The following KAT6B variants were observed in gnomAD, a reference collection of about 807,000 sequenced individuals.
KAT6B encodes lysine acetyltransferase 6B.
In KAT6B, 10 loss-of-function variants were observed where a neutral mutation model predicts 187.5. The observed-to-expected ratio is 0.05, with a 90% CI of 0.03 to 0.09. The LOEUF is 0.09. KAT6B is among the 10% of genes least tolerant of loss of function. KAT6B has a pLI of 1.00. For synonymous variants in KAT6B, 861 were observed against 926.8 expected, an observed-to-expected ratio of 0.93 and a Z score of 1.29; for missense variants, 1,952 against 2,558.9, an observed-to-expected ratio of 0.76 and a Z score of 5.12.
chr10:75,031,149 G>A lies in KAT6B; in HGVS notation c.*103G>A. ...TTCAAAACCAGCAATTGGTGTGAAT[G>A]CAAAAACATTTGTTGGCACCATTTA... On this transcript the variant is annotated 3_prime_UTR_variant, in exon 18 of 18. Coordinates refer to ENST00000287239, the MANE Select transcript of KAT6B (RefSeq NM_012330.4). 7.7e-7 allele frequency: 1 copy of A among 1,305,288 alleles called. No individual in the cohort carries two copies. Among genetic ancestry groups the A allele is most frequent in the Non-Finnish European group, 1.1e-6 (1 of 929,392 alleles). The allele number at this position is 1,305,288 out of a possible 1,614,324, so 80.9% of individuals were successfully genotyped here.
At chr10:74,924,390 G>A (rs1036155052) in intron 3 of KAT6B, among the ~76,000 whole-genome samples, 1 of 152,164 alleles carries the variant, frequency 6.6e-6, no homozygotes, top group African/African-American at 2.4e-5. Flanking sequence ...AAATAGCAAT[G>A]CATGCTGTCA....
intron 3 of KAT6B, among the ~76,000 whole-genome samples, chr10:74,888,072 T>A (rs1230066181): frequency 1.6e-4 from 24 of 152,124 alleles, no homozygotes; most frequent in Admixed American, 5.9e-4. Context: ...CTTTCAGAGG[T>A]GGGGTCAGGA....
intron 3 of KAT6B, among the ~76,000 whole-genome samples, chr10:74,877,622 C>G (rs957632078): frequency 2.0e-5 from 3 of 151,844 alleles, no homozygotes; most frequent in Non-Finnish European, 2.9e-5. Context: ...TTTTTCAAAG[C>G]ATCAAAAATA....
chr10:74,837,671 A>G (rs1458362833), intron 1 of KAT6B, among the ~76,000 whole-genome samples: 2 of 152,138 alleles, frequency 1.3e-5, no homozygotes, highest in African/African-American at 4.8e-5. Flanking sequence ...TTGGTTTTCA[A>G]TCTATTCTCT....
At chr10:74,972,442 T>TA in intron 6 of KAT6B, 65 bp from the exon 7 acceptor site, 1 of 1,231,058 alleles carries the variant, frequency 8.1e-7, no homozygotes, top group South Asian at 1.4e-5. Flanking sequence ...AGCTACAACT[T>TA]ATATTTAATA....
At chr10:74,865,364 G>C (rs1479240234) in intron 3 of KAT6B, among the ~76,000 whole-genome samples, 1 of 152,064 alleles carries the variant, frequency 6.6e-6, no homozygotes. Context: ...TATGAGTTTA[G>C]TTTAATAGCA....
Position 74,913,411 on chromosome 10 carries a change from T to G in KAT6B, c.622-46559T>G, listed in dbSNP as rs1408930409. Reference sequence around the variant, plus strand: ...TAAGTAAGAATAGAACAGTTATAACTATATGTTCTATTAAAAGTTATGTGA... The same window carrying G: ...TAAGTAAGAATAGAACAGTTATAACGATATGTTCTATTAAAAGTTATGTGA... On this transcript the variant is annotated intron_variant, in intron 3 of 17. Coordinates refer to ENST00000287239, the MANE Select transcript of KAT6B (RefSeq NM_012330.4). 2.6e-5 allele frequency among the ~76,000 whole-genome samples: 4 copies of G among 152,348 alleles called. No individual in the cohort carries two copies. The East Asian group carries it at 7.7e-4, about 29-fold the overall frequency.
Position 74,942,475 on chromosome 10 carries a change from G to A in KAT6B, c.622-17495G>A, listed in dbSNP as rs543860644. ...ACCTGATAAAAGACATTTATAAAAA[G>A]CCATATCTGGCTGGGCATGGTGGCT... On this transcript the variant is annotated intron_variant, in intron 3 of 17. Transcript: ENST00000287239. Among the ~76,000 whole-genome samples, 4 of 151,946 alleles carry A rather than the reference G, an allele frequency of 2.6e-5. No homozygotes were observed. In the South Asian group the frequency reaches 8.3e-4, roughly 32 times the overall value.
chr10:74,976,493 C>G, intron 8 of KAT6B, 163 bp downstream of exon 8: 3 of 681,168 alleles, frequency 4.4e-6, no homozygotes, highest in South Asian at 3.4e-5. Flanking sequence ...TGACCTTTTT[C>G]TAATGCTGAC....
At chr10:74,880,896 G>A (rs1020997639) in intron 3 of KAT6B, among the ~76,000 whole-genome samples, 14 of 151,516 alleles carry the variant, frequency 9.2e-5, no homozygotes, top group Non-Finnish European at 1.3e-4. Context: ...GATTACAGGC[G>A]TGAGCCACTG....
chr10:75,030,365 C>T lies in KAT6B; in HGVS notation c.5541C>T (p.Ala1847=). 1 of 1,614,220 alleles carries T rather than the reference C, an allele frequency of 6.2e-7. No homozygotes were observed. The highest frequency in any genetic ancestry group is 1.1e-5 in the South Asian group (1 of 91,088). ...SAAVTSYANS[A]SLSTPLSNTG... is the part of the protein sequence containing the mutation. Reference sequence around the variant, plus strand: ...CTGTGACTTCCTATGCAAACAGTGCCTCTTTGTCCACACCATTAAGTAACA... The same window carrying T: ...CTGTGACTTCCTATGCAAACAGTGCTTCTTTGTCCACACCATTAAGTAACA... Residue 1847 remains alanine (A), a synonymous_variant, in exon 18 of 18, where the codon GCC becomes GCT. Coordinates refer to ENST00000287239, the MANE Select transcript of KAT6B (RefSeq NM_012330.4). This position sits in a 1 kb window ranked among gnomAD's most constrained non-coding sequence, Gnocchi z 4.8.
At chr10:74,890,309 T>C (rs1481773912) in intron 3 of KAT6B, among the ~76,000 whole-genome samples, 1 of 152,050 alleles carries the variant, frequency 6.6e-6, no homozygotes, top group Non-Finnish European at 1.5e-5. Flanking sequence ...TAAGGAGATA[T>C]TCAGAAGAAA....
rs182585606 is a variant in KAT6B at position 74,997,462 on chromosome 10, A to G, written c.2629+8350A>G. On this transcript the variant is annotated intron_variant, in intron 13 of 17. Transcript: ENST00000287239. ...AGATATGTGCTTTTAGCCCCATTCTATGGGTGTTGAAATTGAGGCACAGTT... is the reference window on the plus strand; with the variant it reads ...AGATATGTGCTTTTAGCCCCATTCTGTGGGTGTTGAAATTGAGGCACAGTT... 2.8e-4 allele frequency among the ~76,000 whole-genome samples: 43 copies of G among 152,254 alleles called. No homozygotes were observed. In the East Asian group the frequency reaches 7.7e-3, roughly 27 times the overall value.
chr10:74,901,077 T>C (rs185287831), intron 3 of KAT6B, among the ~76,000 whole-genome samples: 39 of 152,288 alleles, frequency 2.6e-4, no homozygotes, highest in African/African-American at 8.2e-4. Context: ...TATTTGTGCT[T>C]TTATAAGTTA....
intron 11 of KAT6B, chr10:74,983,674 C>A (rs1300387453): frequency 6.6e-6 from 1 of 152,194 alleles, no homozygotes; most frequent in Non-Finnish European, 1.5e-5. Flanking sequence ...GCAAGGGAAT[C>A]AGTCTTGTTA....
rs147285076 is a variant in KAT6B, at chr10:74,875,950, G to A, written c.621+32472G>A. On this transcript the variant is annotated intron_variant, in intron 3 of 17. Coordinates refer to ENST00000287239, the MANE Select transcript of KAT6B (RefSeq NM_012330.4). ...CTCTTTTCATTCCCAGGAGGAACTTGTTAAACCAATGAAGTTCAAAATTCT... is the reference window on the plus strand; with the variant it reads ...CTCTTTTCATTCCCAGGAGGAACTTATTAAACCAATGAAGTTCAAAATTCT... 2.1e-3 allele frequency among the ~76,000 whole-genome samples: 327 copies of A among 152,252 alleles called. 2 individuals are homozygous for A. Among genetic ancestry groups the A allele is most frequent in the Admixed American group, 5.0e-3 (76 of 15,302 alleles).
At chr10:74,921,108 A>ATTTTTTTTT (rs10550175) in intron 3 of KAT6B, among the ~76,000 whole-genome samples, 1 of 109,508 alleles carries the variant, frequency 9.1e-6, no homozygotes. Flanking sequence ...TGTAGTCTAA[A>ATTTTTTTTT]TTTTTTTTTT....
chr10:74,914,109 C>A (rs1377557603), intron 3 of KAT6B, among the ~76,000 whole-genome samples: 1 of 151,844 alleles, frequency 6.6e-6, no homozygotes, highest in African/African-American at 2.4e-5. Context: ...TTGCTTGAAC[C>A]CAGGAGGCAG....
chr10:74,881,868 C>T (rs772523132), intron 3 of KAT6B, among the ~76,000 whole-genome samples: 1 of 152,090 alleles, frequency 6.6e-6, no homozygotes, highest in Non-Finnish European at 1.5e-5. Context: ...GTTGCCTAGG[C>T]TCTTCTCAAA....
Sources: allele counts gnomAD v4.1 joint callset (sites outside exome capture counted in the v4.1 genomes callset), GRCh38; gene constraint gnomAD v4.1.1; non-coding constraint Gnocchi (gnomAD v3.1); transcripts MANE v1.5; gene names NCBI Gene and HGNC (gene_info 2026-07-23, HGNC 2026-07-21).